Variants in ABCB9 observed in about 807,000 individuals in gnomAD.
ABCB9 encodes the protein ABC-type oligopeptide transporter ABCB9.
ABCB9 carries 36 observed loss-of-function variants against 62.0 expected under a neutral mutation model. The observed-to-expected ratio is 0.58, with a 90% CI of 0.45 to 0.77. The LOEUF (loss-of-function observed/expected upper bound fraction) is 0.77, where lower values mean the gene tolerates loss of function less well. ABCB9 is among the 30% of genes least tolerant of loss of function. The probability of loss-of-function intolerance (pLI) is 0.00; values close to 1 mark genes in which losing one functional copy is unlikely to be tolerated. For missense variants in ABCB9, 943 were observed against 1,054.7 expected (o/e 0.89, Z 1.47); for synonymous variants, 435 against 461.4 (o/e 0.94, Z 0.73).
rs915875017 is a variant in ABCB9 at position 122,921,003 on chromosome 12, A to G, written c.*35T>C. ...ATGGTTATCATTGTCATCATCATCA[A>G]TCCATCTCGGTTCTGATATCTGCAG... On this transcript the variant is annotated 3_prime_UTR_variant, in exon 12 of 12. Coordinates refer to the ABCB9 transcript ENST00000344275. The G allele has an allele frequency of 1.6e-5, 25 of 1,533,654 alleles. No individual in the cohort carries two copies. In the African/African-American group the frequency reaches 3.0e-4, roughly 18 times the overall value.
exon 12 of ABCB9, chr12:122,920,952 C>T (rs2034732085): frequency 1.4e-6 from 2 of 1,437,580 alleles, no homozygotes; most frequent in Admixed American, 2.0e-5. Context: ...CTCGTGTTTG[C>T]TGCACTGAAA....
downstream of ABCB9, chr12:122,924,594 G>A: frequency 7.1e-7 from 1 of 1,402,388 alleles, no homozygotes. Flanking sequence ...TCTAGGCACT[G>A]GGGAATACAG....
chr12:122,944,442 G>A lies in ABCB9; in HGVS notation c.1329C>T (p.Gly443=). The A allele has an allele frequency of 6.2e-7, 1 of 1,613,628 alleles. No homozygotes were observed. Among genetic ancestry groups the A allele is most frequent in the Non-Finnish European group, 8.5e-7 (1 of 1,179,714 alleles). Residue 443 remains glycine (G), a synonymous_variant, in exon 7 of 12, where the codon GGC becomes GGT. Transcript: ENST00000280560. The surrounding 1 kb of genome is among the most constrained non-coding windows in gnomAD (Gnocchi z 4.9). ...HLVISGQMTS[G]NLIAFIIYEF... ...CGTAGATGATGAAGGCGATGAGGTT[G>A]CCGCTGGTCATCTGGCCTGAGATGA...
chr12:122,922,056 T>C (rs943800635), intron 11 of ABCB9, among the ~76,000 whole-genome samples: 5 of 152,128 alleles, frequency 3.3e-5, no homozygotes, highest in Admixed American at 6.6e-5. Context: ...CGCTCAGGTC[T>C]GGGCCAGGTT....
rs761233326 is a variant in ABCB9, at chr12:122,949,894, G to A, written c.741C>T (p.Gly247=). The A allele has an allele frequency of 3.0e-5, 49 of 1,614,040 alleles. No individual in the cohort carries two copies. Among genetic ancestry groups the A allele is most frequent in the South Asian group, 1.6e-4 (15 of 91,086 alleles). Residue 247 remains glycine (G), a synonymous_variant, in exon 4 of 12, where the codon GGC becomes GGT. Transcript: ENST00000280560. ...IGSSFAAGIR[G]GIFTLIFARL... ...TGGCAAATATGAGGGTAAAAATGCC[G>A]CCCCGAATACCTGCGGCAAATGAGC...
At position 122,946,069 on chromosome 12, in the gene ABCB9, T is replaced by C. The variant is rs756211564; in HGVS notation, c.1207A>G (p.Arg403Gly). Residue 403 changes from arginine to glycine, a missense_variant, in exon 6 of 12, where the codon AGG (arginine) becomes GGG (glycine). By Grantham distance (125) the Arg-to-Gly change is moderately radical. Coordinates refer to ENST00000280560, the MANE Select transcript of ABCB9 (RefSeq NM_019625.4). ...TACATGTAGGCAGCTGCCTCCTTCC[T>C]GTTCAGCTTGTACACCTGCTGCAGC... ...RKLQQVYKLN[R>G]KEAAAYMYYV... 8.1e-6 allele frequency: 13 copies of C among 1,613,848 alleles called. No homozygotes were observed. The highest frequency in any genetic ancestry group is 1.3e-5 in the African/African-American group (1 of 74,908).
chr12:122,931,878 A>C, intron 11 of ABCB9: 1 of 397,812 alleles, frequency 2.5e-6, no homozygotes, highest in Non-Finnish European at 4.7e-6. Flanking sequence ...TCCTGACCTC[A>C]GGTGATCCAC....
In ABCB9 at chr12:122,944,698, A is replaced by G. The variant is rs1484170135; in HGVS notation, c.1252-179T>C. The G allele has an allele frequency of 1.2e-6, 1 of 817,330 alleles. No homozygotes were observed. Among genetic ancestry groups the G allele is most frequent in the South Asian group, 1.8e-5 (1 of 54,194 alleles). 50.6% of individuals were successfully genotyped at this position (817,330 alleles called of 1,614,324 possible). A position where few individuals can be genotyped will look rare whatever the true frequency, so the allele number is the denominator to read the frequency against. On this transcript the variant is annotated intron_variant, in intron 6 of 11. Coordinates refer to ENST00000280560, the MANE Select transcript of ABCB9 (RefSeq NM_019625.4). The surrounding 1 kb of genome is among the most constrained non-coding windows in gnomAD (Gnocchi z 4.9). ...GTCACTCATGCCTTCCCCTGCCCCGAGCATTTCCCTACAGAGGCCTCCAGC... is the reference window on the plus strand; with the variant it reads ...GTCACTCATGCCTTCCCCTGCCCCGGGCATTTCCCTACAGAGGCCTCCAGC...
At chr12:122,958,169 C>CAA (rs34917345) in intron 2 of ABCB9, among the ~76,000 whole-genome samples, 12,688 of 69,680 alleles carry the variant, frequency 0.18, 1,627 homozygotes, top group Non-Finnish European at 0.2. Flanking sequence ...GACTCCATCT[C>CAA]AAAAAAAAAA....
chr12:122,950,349 A>G, intron 3 of ABCB9, 102 bp downstream of exon 3: 1 of 1,156,818 alleles, frequency 8.6e-7, no homozygotes, highest in Non-Finnish European at 1.2e-6. Flanking sequence ...GGGCATTTCC[A>G]GGGCCTCCCT....
intron 11 of ABCB9, among the ~76,000 whole-genome samples, chr12:122,923,643 G>A (rs1465344327): frequency 6.6e-6 from 1 of 152,172 alleles, no homozygotes; most frequent in Non-Finnish European, 1.5e-5. Flanking sequence ...TCCCAGTGGA[G>A]CAACGGTCCT....
exon 1 of ABCB9, chr12:122,975,066 C>G: frequency 2.1e-6 from 1 of 471,192 alleles, no homozygotes; most frequent in South Asian, 3.8e-5. Context: ...ACGAGGAGGC[C>G]GCCGGTCCCA....
chr12:122,961,907 A>T (rs923225362), intron 1 of ABCB9, among the ~76,000 whole-genome samples: 4 of 152,174 alleles, frequency 2.6e-5, no homozygotes, highest in Non-Finnish European at 5.9e-5. Flanking sequence ...TGTGCTTAAT[A>T]AATGTTTGTC....
intron 1 of ABCB9, among the ~76,000 whole-genome samples, chr12:122,965,729 CTT>C (rs77571044): frequency 2.1e-5 from 3 of 144,018 alleles, no homozygotes; most frequent in East Asian, 2.0e-4. Context: ...GGGGAGGAGG[CTT>C]TTTTTTTTTT....
chr12:122,923,412 G>A (rs889869061), intron 11 of ABCB9, among the ~76,000 whole-genome samples: 6 of 152,164 alleles, frequency 3.9e-5, no homozygotes, highest in Non-Finnish European at 5.9e-5. Flanking sequence ...TCAGCCTCCC[G>A]AGTAGCTGGG....
Position 122,940,019 on chromosome 12 carries a change from C to T in ABCB9, c.1743+92G>A. On this transcript the variant is annotated intron_variant, in intron 9 of 11. Coordinates refer to ENST00000280560, the MANE Select transcript of ABCB9 (RefSeq NM_019625.4). This position sits in a 1 kb window ranked among gnomAD's most constrained non-coding sequence, Gnocchi z 4.8. ...AATTCTTTGAACTGTCCATTTATCTCTAGTGCCCTCTTCCGCACCTGTTAC... is the reference window on the plus strand; with the variant it reads ...AATTCTTTGAACTGTCCATTTATCTTTAGTGCCCTCTTCCGCACCTGTTAC... 6.8e-7 allele frequency: 1 copy of T among 1,459,866 alleles called. No individual in the cohort carries two copies. The highest frequency in any genetic ancestry group is 1.3e-5 in the South Asian group (1 of 76,704). 90.4% of individuals were successfully genotyped at this position (1,459,866 alleles called of 1,614,324 possible). A position where few individuals can be genotyped will look rare whatever the true frequency, so the allele number is the denominator to read the frequency against.
At chr12:122,967,691 G>A (rs950759468), upstream of ABCB9, among the ~76,000 whole-genome samples, 2 of 152,220 alleles carry the variant, frequency 1.3e-5, no homozygotes, top group Non-Finnish European at 2.9e-5. Flanking sequence ...GTTTAGCCAT[G>A]TTGGCCAGGC....
rs745864194 is a variant in ABCB9 at position 122,959,933 on chromosome 12, C to T, written c.303G>A (p.Leu101=). 26 of 1,613,262 alleles carry T rather than the reference C, an allele frequency of 1.6e-5. No individual in the cohort carries two copies. Among genetic ancestry groups the T allele is most frequent in the Non-Finnish European group, 2.1e-5 (25 of 1,179,956 alleles). Reference sequence around the variant, plus strand: ...GCCTGCGCACCTCTGAGAAGAGCAGCAGCTTCACCATGGCATAGATGCCCA... The same window carrying T: ...GCCTGCGCACCTCTGAGAAGAGCAGTAGCTTCACCATGGCATAGATGCCCA... The part of the protein sequence containing the change: ...LFVGIYAMVK[L]LLFSEVRRPI... Residue 101 remains leucine, a synonymous_variant, in exon 2 of 12, where the codon CTG becomes CTA. Transcript: ENST00000280560. The surrounding 1 kb of genome is among the most constrained non-coding windows in gnomAD (Gnocchi z 5.4).
At position 122,944,553 on chromosome 12, in the gene ABCB9, G is replaced by A. The variant is rs774870506; in HGVS notation, c.1252-34C>T. ...GAGGGAGAGGGGATGTGGGTCGAGG[G>A]GACCTTAGATCCCCCACCATCCCCA... On this transcript the variant is annotated intron_variant, in intron 6 of 11. Transcript: ENST00000280560. This position sits in a 1 kb window ranked among gnomAD's most constrained non-coding sequence, Gnocchi z 4.9. 47 of 1,609,498 alleles carry A rather than the reference G, an allele frequency of 2.9e-5. No individual in the cohort carries two copies. Among genetic ancestry groups the A allele is most frequent in the Non-Finnish European group, 4.0e-5 (47 of 1,177,690 alleles).
Sources: allele counts gnomAD v4.1 joint callset (sites outside exome capture counted in the v4.1 genomes callset), GRCh38; gene constraint gnomAD v4.1.1; non-coding constraint Gnocchi (gnomAD v3.1); transcripts MANE v1.5; gene names NCBI Gene and HGNC (gene_info 2026-07-23, HGNC 2026-07-21).